The following MEGF8 variants were observed in gnomAD, a reference collection of about 807,000 sequenced individuals.
MEGF8 encodes multiple EGF like domains 8.
In MEGF8, 156 loss-of-function variants were observed where a neutral mutation model predicts 302.9. The observed-to-expected ratio is 0.52, with a 90% CI of 0.45 to 0.59. MEGF8 has a LOEUF of 0.59. Among genes scored for constraint, MEGF8 ranks in the 20% least tolerant of loss-of-function variants. The probability of loss-of-function intolerance (pLI) is 0.00; values close to 1 mark genes in which losing one functional copy is unlikely to be tolerated. For synonymous variants in MEGF8, 1,621 were observed against 1,660.5 expected, an observed-to-expected ratio of 0.98 and a Z score of 0.58; for missense variants, 3,345 against 3,964.5, an observed-to-expected ratio of 0.84 and a Z score of 4.20.
Position 42,335,132 on chromosome 19 carries a change from G to T in MEGF8, c.656G>T (p.Ser219Ile), listed in dbSNP as rs1279662802. ...NQGAGWWHNVSARDPAFSARI... is the reference protein window; with the variant it reads ...NQGAGWWHNVIARDPAFSARI... ...GGGGCTGGGTGGTGGCACAACGTGA[G>T]TGCCAGGGACCCTGCCTTCTCTGCC... Residue 219 changes from serine to isoleucine, a missense_variant, in exon 4 of 42, where the codon AGT becomes ATT. Physicochemically the swap from Ser to Ile is moderately radical, Grantham distance 142. Coordinates refer to ENST00000251268, the MANE Select transcript of MEGF8 (RefSeq NM_001271938.2). 1 of 1,613,858 alleles carries T rather than the reference G, an allele frequency of 6.2e-7. No homozygotes were observed. The highest frequency in any genetic ancestry group is 1.3e-5 in the African/African-American group (1 of 74,948).
In MEGF8 at chr19:42,362,343, G is replaced by A. The variant is rs756560508; in HGVS notation, c.5845-41G>A. 1.1e-5 allele frequency: 18 copies of A among 1,612,504 alleles called. No individual in the cohort carries two copies. In the South Asian group the frequency reaches 1.5e-4, roughly 14 times the overall value. ...CACCGAGTTCTCAGCTGGCTCAGGA[G>A]GGGTGCTGAGGGTCCCATCTAGCCT... On this transcript the variant is annotated intron_variant, in intron 33 of 41. Transcript: ENST00000251268.
chr19:42,370,303 A>G lies in MEGF8; in HGVS notation c.6949A>G (p.Lys2317Glu). Residue 2317 changes from lysine (K) to glutamate (E), a missense_variant, in exon 39 of 42, where the codon AAG becomes GAG. Transcript: ENST00000251268. ...AAATAGCCACATCTGCATCTCCAGG[A>G]AGGAGTTACAAATGTCCAAGGGAGA... Reference protein sequence around the residue: ...RGNSHICISRKELQMSKGEPK... With the variant: ...RGNSHICISREELQMSKGEPK... 1 of 1,611,986 alleles carries G rather than the reference A, an allele frequency of 6.2e-7. No homozygotes were observed. The highest frequency in any genetic ancestry group is 8.5e-7 in the Non-Finnish European group (1 of 1,179,068).
chr19:42,328,621 ACT>A (rs2039016494), intron 1 of MEGF8, among the ~76,000 whole-genome samples: 1 of 139,462 alleles, frequency 7.2e-6, no homozygotes, highest in South Asian at 2.4e-4. Context: ...GATATAAATC[ACT>A]CTCTGGCCTT....
chr19:42,368,893 CCT>C lies in MEGF8; in HGVS notation c.6533_6534del (p.Pro2178ArgfsTer25), dbSNP rs1181967735. ...CTCCTGGGCCTTCCTGTCCTGCCCC[CCT>C]GAGGACGAGTGTGCAAACGGGCACC... is the stretch of plus-strand genomic sequence containing the variant. The part of the protein sequence containing the change: ...GASWAFLSCP[P>X]EDECANGHHD... On this transcript the variant is annotated frameshift_variant, in exon 37 of 42. Coordinates refer to ENST00000251268, the MANE Select transcript of MEGF8 (RefSeq NM_001271938.2). LOFTEE classifies it high-confidence loss of function. The surrounding 1 kb of genome is among the most constrained non-coding windows in gnomAD (Gnocchi z 4.9). The C allele has an allele frequency of 1.2e-6, 2 of 1,613,776 alleles. No homozygotes were observed. The highest frequency in any genetic ancestry group is 2.7e-5 in the African/African-American group (2 of 74,918).
chr19:42,344,122 TC>T lies in MEGF8; in HGVS notation c.1788+50del. The T allele has an allele frequency of 6.3e-7, 1 of 1,596,078 alleles. No individual in the cohort carries two copies. The highest frequency in any genetic ancestry group is 8.5e-7 in the Non-Finnish European group (1 of 1,172,450). On this transcript the variant is annotated intron_variant, in intron 10 of 41. Transcript: ENST00000251268. This position sits in a 1 kb window ranked among gnomAD's most constrained non-coding sequence, Gnocchi z 4.5. ...TGTTCCCTAGCATAGAGACCTGCCCTCAGTGTCTCCCTCTGCCTAACCAGAT... is the reference window on the plus strand; with the variant it reads ...TGTTCCCTAGCATAGAGACCTGCCCTAGTGTCTCCCTCTGCCTAACCAGAT...
Position 42,357,473 on chromosome 19 carries a change from C to T in MEGF8, c.4900C>T (p.Leu1634Phe). ...TACTGCCCGCCGAGGCCTGTCTCTG[C>T]TCCTGGTGGGCGGTTACTCCCCGGA... Reference protein sequence around the residue: ...TLTARRGLSLLLVGGYSPENG... With the variant: ...TLTARRGLSLFLVGGYSPENG... Residue 1634 changes from leucine to phenylalanine, a missense_variant, in exon 28 of 42, where the codon CTC (leucine) becomes TTC (phenylalanine). By Grantham distance (22) the Leu-to-Phe change is conservative. Coordinates refer to ENST00000251268, the MANE Select transcript of MEGF8 (RefSeq NM_001271938.2). The surrounding 1 kb of genome is among the most constrained non-coding windows in gnomAD (Gnocchi z 5.2). 1 of 1,613,870 alleles carries T rather than the reference C, an allele frequency of 6.2e-7. No individual in the cohort carries two copies.
chr19:42,360,459 A>G (rs1229868577), intron 31 of MEGF8, among the ~76,000 whole-genome samples: 4 of 151,084 alleles, frequency 2.6e-5, no homozygotes, highest in Admixed American at 2.6e-4. Flanking sequence ...GATCCTCCTA[A>G]TTTAGCTTCC....
chr19:42,338,541 C>T (rs555672324), intron 8 of MEGF8, among the ~76,000 whole-genome samples: 1 of 152,226 alleles, frequency 6.6e-6, no homozygotes, highest in African/African-American at 2.4e-5. Context: ...TGTGCCCAGC[C>T]CCAGTAGGTA....
At chr19:42,326,739 C>CT (rs34036568) in intron 1 of MEGF8, among the ~76,000 whole-genome samples, 2,218 of 118,082 alleles carry the variant, frequency 0.019, 33 homozygotes, top group Non-Finnish European at 0.026. Context: ...ACTACTACTA[C>CT]TTTTTTTTTT....
chr19:42,342,999 TC>T (rs2039236180), intron 8 of MEGF8, among the ~76,000 whole-genome samples: 1 of 152,128 alleles, frequency 6.6e-6, no homozygotes, highest in Non-Finnish European at 1.5e-5. Context: ...AGGTTGGTTT[TC>T]CAGAGGAAAA....
At chr19:42,348,681 C>T (rs1180948678) in intron 13 of MEGF8, among the ~76,000 whole-genome samples, 12 of 152,186 alleles carry the variant, frequency 7.9e-5, no homozygotes, top group Admixed American at 7.9e-4. Flanking sequence ...CTCACTGCTA[C>T]CTTCACCTCC....
At chr19:42,334,373 T>G (rs984377787) in intron 3 of MEGF8, among the ~76,000 whole-genome samples, 160 bp downstream of exon 3, 3 of 77,798 alleles carry the variant, frequency 3.9e-5, no homozygotes, top group African/African-American at 1.6e-4. Context: ...AGCTTGCCCC[T>G]CACCTGTTAC....
At chr19:42,345,672 C>CA (rs2039279471) in intron 12 of MEGF8, among the ~76,000 whole-genome samples, 1 of 152,212 alleles carries the variant, frequency 6.6e-6, no homozygotes, top group Non-Finnish European at 1.5e-5. Flanking sequence ...AGATGGACCA[C>CA]ATTTTGTTTA....
At position 42,351,480 on chromosome 19, in the gene MEGF8, C is replaced by T. The variant is rs1385848253; in HGVS notation, c.2907C>T (p.Cys969=). 3 of 1,603,478 alleles carry T rather than the reference C, an allele frequency of 1.9e-6. No homozygotes were observed. The highest frequency in any genetic ancestry group is 2.6e-6 in the Non-Finnish European group (3 of 1,175,544). ...CLANSSQCAW[C]QSTHTCFLFA... is the part of the protein sequence containing the mutation. ...CCAACTCTAGCCAGTGCGCCTGGTGCCAGTCCACCCACACCTGCTTCCTGT... is the reference window on the plus strand; with the variant it reads ...CCAACTCTAGCCAGTGCGCCTGGTGTCAGTCCACCCACACCTGCTTCCTGT... The change falls in exon 17 of 42, where the codon TGC becomes TGT. Residue 969 remains cysteine (C), a synonymous_variant. Transcript: ENST00000251268. This position sits in a 1 kb window ranked among gnomAD's most constrained non-coding sequence, Gnocchi z 5.6.
Position 42,353,809 on chromosome 19 carries a change from C to T in MEGF8, c.3796C>T (p.Arg1266Cys), listed in dbSNP as rs750730059. The change falls in exon 22 of 42, where the codon CGC becomes TGC. Residue 1266 changes from arginine to cysteine, a missense_variant. By Grantham distance (180) the Arg-to-Cys change is radical (BLOSUM62 -3). Transcript: ENST00000251268. The surrounding 1 kb of genome is among the most constrained non-coding windows in gnomAD (Gnocchi z 6.1). ...TTCCTGCTTTCGGGAGTGTGGGGGT[C>T]GCGCCCTCCTCACCAACGTGTCCTC... The part of the protein sequence containing the change: ...GGSCFRECGG[R>C]ALLTNVSSVA... The T allele has an allele frequency of 1.1e-5, 17 of 1,608,304 alleles. No homozygotes were observed. The highest frequency in any genetic ancestry group is 1.4e-5 in the Non-Finnish European group (17 of 1,176,030).
In MEGF8 at chr19:42,375,144, G is replaced by A. The variant is rs2039747500; in HGVS notation, c.7270-363G>A. On this transcript the variant is annotated intron_variant, in intron 41 of 41. Coordinates refer to ENST00000251268, the MANE Select transcript of MEGF8 (RefSeq NM_001271938.2). This position sits in a 1 kb window ranked among gnomAD's most constrained non-coding sequence, Gnocchi z 7.1. ...TGCAGAGCTCATGGGTTAAGTCTGT[G>A]TGCTCAGGCTCAGTGAGGTTAAGTC... 6.6e-6 allele frequency among the ~76,000 whole-genome samples: 1 copy of A among 152,194 alleles called. No homozygotes were observed. Among genetic ancestry groups the A allele is most frequent in the Admixed American group, 6.5e-5 (1 of 15,290 alleles).
chr19:42,338,801 C>CT (rs113443328), intron 8 of MEGF8, among the ~76,000 whole-genome samples: 94 of 54,338 alleles, frequency 1.7e-3, no homozygotes, highest in African/African-American at 2.9e-3. Flanking sequence ...ACCACATTTT[C>CT]TTTTTTTTTT....
rs1205513488 is a variant in MEGF8 at position 42,351,092 on chromosome 19, G to C, written c.2737-124G>C. ...AGGGAGGGGTCCAGAGACGCAGGCA[G>C]CTGGGGAGGGAGATGGCCTTACAGG... On this transcript the variant is annotated intron_variant, in intron 15 of 41. Coordinates refer to ENST00000251268, the MANE Select transcript of MEGF8 (RefSeq NM_001271938.2). This position sits in a 1 kb window ranked among gnomAD's most constrained non-coding sequence, Gnocchi z 5.6. The C allele has an allele frequency of 1.2e-6, 1 of 843,226 alleles. No homozygotes were observed. The highest frequency in any genetic ancestry group is 2.7e-5 in the East Asian group (1 of 37,408). 52.2% of individuals were successfully genotyped at this position (843,226 alleles called of 1,614,324 possible). A position where few individuals can be genotyped will look rare whatever the true frequency, so the allele number is the denominator to read the frequency against.
Position 42,371,520 on chromosome 19 carries a change from A to G in MEGF8, c.7269+38A>G, listed in dbSNP as rs371708832. 25 of 1,612,650 alleles carry G rather than the reference A, an allele frequency of 1.6e-5. No individual in the cohort carries two copies. In the African/African-American group the frequency reaches 2.8e-4, roughly 18 times the overall value. On this transcript the variant is annotated intron_variant, in intron 41 of 41. Transcript: ENST00000251268. ...AAGCTAGTGGTGGGCCGAGGGCCCT[A>G]CACCTTGTGGAGGTCAGGGCTGGGA...
Sources: allele counts gnomAD v4.1 joint callset (sites outside exome capture counted in the v4.1 genomes callset), GRCh38; gene constraint gnomAD v4.1.1; non-coding constraint Gnocchi (gnomAD v3.1); transcripts MANE v1.5; gene names NCBI Gene and HGNC (gene_info 2026-07-23, HGNC 2026-07-21).